The following KRTAP12-4 variants were observed in gnomAD, a reference collection of about 807,000 sequenced individuals.
KRTAP12-4 encodes the protein keratin associated protein 12-4.
For missense variants in KRTAP12-4, 148 were observed against 141.2 expected (o/e 1.05, Z -0.24); for synonymous variants, 58 against 58.7 (o/e 0.99, Z 0.05).
At position 44,654,356 on chromosome 21, in the gene KRTAP12-4, G is replaced by C; in HGVS notation, c.259C>G (p.Pro87Ala). The C allele has an allele frequency of 1.9e-6, 3 of 1,614,116 alleles. No homozygotes were observed. Among genetic ancestry groups the C allele is most frequent in the Non-Finnish European group, 2.5e-6 (3 of 1,179,980 alleles). ...KPVLCVASFC[P>A]TSGCCQPFCP... Reference sequence around the variant, plus strand: ...AAGGGCTGGCAGCACCCAGAGGTTGGGCAGAAGGAAGCCACACACAAAACA... The same window carrying C: ...AAGGGCTGGCAGCACCCAGAGGTTGCGCAGAAGGAAGCCACACACAAAACA... The change falls in exon 1 of 1, where the codon CCA becomes GCA. Residue 87 changes from proline to alanine, a missense_variant. Coordinates refer to ENST00000391618, the MANE Select transcript of KRTAP12-4 (RefSeq NM_198698.1).
In KRTAP12-4 at chr21:44,654,567, G is replaced by A; in HGVS notation, c.48C>T (p.Gly16=). 6.2e-7 allele frequency: 1 copy of A among 1,604,982 alleles called. No individual in the cohort carries two copies. The highest frequency in any genetic ancestry group is 8.5e-7 in the Non-Finnish European group (1 of 1,174,958). ...HSSGCPMACP[G]SPCCVPSTCY... ...AGGTGCTGGGGACACAGCACGGGGA[G>A]CCAGGGCAGGCCATTGGGCAGCCCG... Residue 16 remains glycine, a synonymous_variant, in exon 1 of 1, where the codon GGC becomes GGT. Transcript: ENST00000391618.
Position 44,654,544 on chromosome 21 carries a change from G to T in KRTAP12-4, c.71C>A (p.Thr24Asn). 6.2e-7 allele frequency: 1 copy of T among 1,611,790 alleles called. No individual in the cohort carries two copies. Among genetic ancestry groups the T allele is most frequent in the Non-Finnish European group, 8.5e-7 (1 of 1,178,836 alleles). The change falls in exon 1 of 1, where the codon ACC (threonine) becomes AAC (asparagine). Residue 24 changes from threonine (T) to asparagine (N), a missense_variant. Coordinates refer to ENST00000391618, the MANE Select transcript of KRTAP12-4 (RefSeq NM_198698.1). Reference sequence around the variant, plus strand: ...CCCATAGCCCTCGGGTGGGTAGCAGGTGCTGGGGACACAGCACGGGGAGCC... The same window carrying T: ...CCCATAGCCCTCGGGTGGGTAGCAGTTGCTGGGGACACAGCACGGGGAGCC... ...CPGSPCCVPS[T>N]CYPPEGYGTS...
Position 44,654,438 on chromosome 21 carries a change from G to C in KRTAP12-4, c.177C>G (p.Ala59=). Residue 59 remains alanine, a synonymous_variant, in exon 1 of 1, where the codon GCC becomes GCG. Coordinates refer to ENST00000391618, the MANE Select transcript of KRTAP12-4 (RefSeq NM_198698.1). ...LCGVSTCCQP[A]CCVPSPCQVA... ...CCTGGCAGGGGCTGGGCACACAGCA[G>C]GCTGGCTGGCAGCAGGTGGATACCC... 1 of 1,614,118 alleles carries C rather than the reference G, an allele frequency of 6.2e-7. No homozygotes were observed. Among genetic ancestry groups the C allele is most frequent in the Non-Finnish European group, 8.5e-7 (1 of 1,179,974 alleles).
In KRTAP12-4 at chr21:44,654,453, G is replaced by A. The variant is rs782520503; in HGVS notation, c.162C>T (p.Thr54=). Residue 54 remains threonine, a synonymous_variant, in exon 1 of 1, where the codon ACC becomes ACT. Transcript: ENST00000391618. ...LLCRPLCGVS[T]CCQPACCVPS... ...GCACACAGCAGGCTGGCTGGCAGCA[G>A]GTGGATACCCCACACAGGGGCCGGC... 1.3e-5 allele frequency: 21 copies of A among 1,613,922 alleles called. No individual in the cohort carries two copies. The Admixed American group carries it at 3.5e-4, about 27-fold the overall frequency.
In KRTAP12-4 at chr21:44,654,657, T is replaced by C. The variant is rs1985029135; in HGVS notation, c.-43A>G. 19 of 1,351,718 alleles carry C rather than the reference T, an allele frequency of 1.4e-5. No individual in the cohort carries two copies. The highest frequency in any genetic ancestry group is 1.9e-5 in the Non-Finnish European group (19 of 999,608). 83.7% of individuals were successfully genotyped at this position (1,351,718 alleles called of 1,614,324 possible). A position where few individuals can be genotyped will look rare whatever the true frequency, so the allele number is the denominator to read the frequency against. ...TGGGGGGCGCAGAGGACAGGGCTGG[T>C]CTGGAGCCTGCTTCCTTAGGTGGCC... On this transcript the variant is annotated 5_prime_UTR_variant, in exon 1 of 1. Coordinates refer to ENST00000391618, the MANE Select transcript of KRTAP12-4 (RefSeq NM_198698.1).
Position 44,654,450 on chromosome 21 carries a change from G to A in KRTAP12-4, c.165C>T (p.Cys55=), listed in dbSNP as rs1555942125. Residue 55 remains cysteine (C), a synonymous_variant, in exon 1 of 1, where the codon TGC becomes TGT. Transcript: ENST00000391618. ...TGGGCACACAGCAGGCTGGCTGGCAGCAGGTGGATACCCCACACAGGGGCC... is the reference window on the plus strand; with the variant it reads ...TGGGCACACAGCAGGCTGGCTGGCAACAGGTGGATACCCCACACAGGGGCC... ...LCRPLCGVST[C]CQPACCVPSP... 3 of 1,614,074 alleles carry A rather than the reference G, an allele frequency of 1.9e-6. No individual in the cohort carries two copies.
chr21:44,654,435 G>A lies in KRTAP12-4; in HGVS notation c.180C>T (p.Cys60=). 1 of 1,614,148 alleles carries A rather than the reference G, an allele frequency of 6.2e-7. No individual in the cohort carries two copies. The highest frequency in any genetic ancestry group is 8.5e-7 in the Non-Finnish European group (1 of 1,180,008). ...CCACCTGGCAGGGGCTGGGCACACA[G>A]CAGGCTGGCTGGCAGCAGGTGGATA... ...CGVSTCCQPA[C]CVPSPCQVAC... The change falls in exon 1 of 1, where the codon TGC becomes TGT. Residue 60 remains cysteine (C), a synonymous_variant. Transcript: ENST00000391618.
chr21:44,654,610 C>T lies in KRTAP12-4; in HGVS notation c.5G>A (p.Cys2Tyr), dbSNP rs782482099. 4 of 1,556,346 alleles carry T rather than the reference C, an allele frequency of 2.6e-6. No individual in the cohort carries two copies. The highest frequency in any genetic ancestry group is 3.5e-6 in the Non-Finnish European group (4 of 1,149,308). Residue 2 changes from cysteine to tyrosine, a missense_variant, in exon 1 of 1, where the codon TGC becomes TAC. Physicochemically the swap from Cys to Tyr is radical, Grantham distance 194. Transcript: ENST00000391618. M[C>Y]HTSHSSGCPM... Reference sequence around the variant, plus strand: ...GCAGCCCGAAGAGTGGCTGGTGTGGCACATGATGGAGTGTGGACAGGTGGG... The same window carrying T: ...GCAGCCCGAAGAGTGGCTGGTGTGGTACATGATGGAGTGTGGACAGGTGGG...
chr21:44,654,325 G>A lies in KRTAP12-4; in HGVS notation c.290C>T (p.Pro97Leu), dbSNP rs1555942064. ...PTSGCCQPFC[P>L]TLVYRPVTWS... The stretch of plus-strand genomic sequence containing the variant: ...GGTGACAGGTCTATAGACCAGGGTG[G>A]GGCAGAAGGGCTGGCAGCACCCAGA... The change falls in exon 1 of 1, where the codon CCC becomes CTC. Residue 97 changes from proline to leucine, a missense_variant. Coordinates refer to ENST00000391618, the MANE Select transcript of KRTAP12-4 (RefSeq NM_198698.1). 6 of 1,614,096 alleles carry A rather than the reference G, an allele frequency of 3.7e-6. No homozygotes were observed. The Admixed American group carries it at 8.3e-5, about 22-fold the overall frequency.
rs782816169 is a variant in KRTAP12-4 at position 44,654,443 on chromosome 21, G to A, written c.172C>T (p.Pro58Ser). 3.2e-5 allele frequency: 52 copies of A among 1,613,966 alleles called. No homozygotes were observed. Among genetic ancestry groups the A allele is most frequent in the Non-Finnish European group, 4.2e-5 (49 of 1,179,972 alleles). Residue 58 changes from proline to serine, a missense_variant, in exon 1 of 1, where the codon CCA becomes TCA. Pro to Ser is a moderately conservative substitution (Grantham distance 74, BLOSUM62 -1). Transcript: ENST00000391618. ...CAGGGGCTGGGCACACAGCAGGCTG[G>A]CTGGCAGCAGGTGGATACCCCACAC... ...PLCGVSTCCQ[P>S]ACCVPSPCQV...
rs781970841 is a variant in KRTAP12-4 at position 44,654,375 on chromosome 21, C to T, written c.240G>A (p.Leu80=). 6.2e-7 allele frequency: 1 copy of T among 1,614,048 alleles called. No homozygotes were observed. The highest frequency in any genetic ancestry group is 8.5e-7 in the Non-Finnish European group (1 of 1,180,016). Reference sequence around the variant, plus strand: ...AGGTTGGGCAGAAGGAAGCCACACACAAAACAGGCTTGCAGCTCACAGGCA... The same window carrying T: ...AGGTTGGGCAGAAGGAAGCCACACATAAAACAGGCTTGCAGCTCACAGGCA... ...CCVPVSCKPV[L]CVASFCPTSG... is the part of the protein sequence containing the mutation. The change falls in exon 1 of 1, where the codon TTG becomes TTA. Residue 80 remains leucine, a synonymous_variant. Transcript: ENST00000391618.
chr21:44,654,458 A>T lies in KRTAP12-4; in HGVS notation c.157T>A (p.Ser53Thr), dbSNP rs782637147. The change falls in exon 1 of 1, where the codon TCC becomes ACC. Residue 53 changes from serine to threonine, a missense_variant. Physicochemically the swap from Ser to Thr is moderately conservative, Grantham distance 58. Coordinates refer to ENST00000391618, the MANE Select transcript of KRTAP12-4 (RefSeq NM_198698.1). Reference sequence around the variant, plus strand: ...CAGCAGGCTGGCTGGCAGCAGGTGGATACCCCACACAGGGGCCGGCACAGC... The same window carrying T: ...CAGCAGGCTGGCTGGCAGCAGGTGGTTACCCCACACAGGGGCCGGCACAGC... Reference protein sequence around the residue: ...ALLCRPLCGVSTCCQPACCVP... With the variant: ...ALLCRPLCGVTTCCQPACCVP... 1 of 1,614,000 alleles carries T rather than the reference A, an allele frequency of 6.2e-7. No individual in the cohort carries two copies. The highest frequency in any genetic ancestry group is 8.5e-7 in the Non-Finnish European group (1 of 1,179,936).
chr21:44,654,524 A>T lies in KRTAP12-4; in HGVS notation c.91T>A (p.Tyr31Asn). The stretch of plus-strand genomic sequence containing the variant: ...GCTGAGCAGCAGCAGGAGGTCCCAT[A>T]GCCCTCGGGTGGGTAGCAGGTGCTG... ...VPSTCYPPEG[Y>N]GTSCCCSAPC... Residue 31 changes from tyrosine (Y) to asparagine (N), a missense_variant, in exon 1 of 1, where the codon TAT becomes AAT. By Grantham distance (143) the Tyr-to-Asn change is moderately radical (BLOSUM62 -2). Coordinates refer to ENST00000391618, the MANE Select transcript of KRTAP12-4 (RefSeq NM_198698.1). 1 of 1,612,994 alleles carries T rather than the reference A, an allele frequency of 6.2e-7. No individual in the cohort carries two copies. Among genetic ancestry groups the T allele is most frequent in the Non-Finnish European group, 8.5e-7 (1 of 1,179,456 alleles).
In KRTAP12-4 at chr21:44,654,633, G is replaced by C. The variant is rs879994134; in HGVS notation, c.-19C>G. 1 of 1,499,894 alleles carries C rather than the reference G, an allele frequency of 6.7e-7. No individual in the cohort carries two copies. Among genetic ancestry groups the C allele is most frequent in the Non-Finnish European group, 9.0e-7 (1 of 1,110,856 alleles). 92.9% of individuals were successfully genotyped at this position (1,499,894 alleles called of 1,614,324 possible). ...GGCACATGATGGAGTGTGGACAGGT[G>C]GGGGGCGCAGAGGACAGGGCTGGTC... On this transcript the variant is annotated 5_prime_UTR_variant, in exon 1 of 1. Transcript: ENST00000391618.
At position 44,654,285 on chromosome 21, in the gene KRTAP12-4, A is replaced by G. The variant is rs9984726; in HGVS notation, c.330T>C (p.Thr110=). ...ATAGGAGGCCACCTGCTCAGCAGCC[A>G]GTGGGGGTGCTCCAGGTGACAGGTC... ...VYRPVTWSTP[T]GC Residue 110 remains threonine (T), a synonymous_variant, in exon 1 of 1, where the codon ACT becomes ACC. Transcript: ENST00000391618. 1,168,006 of 1,612,970 alleles carry G rather than the reference A, an allele frequency of 0.72. 425,350 individuals carry two copies. Among genetic ancestry groups the G allele is most frequent in the African/African-American group, 0.89 (66,843 of 74,990 alleles).
rs1984999787 is a variant in KRTAP12-4, at chr21:44,654,405, G to A, written c.210C>T (p.Cys70=). The A allele has an allele frequency of 6.2e-7, 1 of 1,614,092 alleles. No homozygotes were observed. The highest frequency in any genetic ancestry group is 1.1e-5 in the South Asian group (1 of 91,096). ...CAGGCTTGCAGCTCACAGGCACACA[G>A]CAGGCCACCTGGCAGGGGCTGGGCA... ...CCVPSPCQVA[C]CVPVSCKPVL... The change falls in exon 1 of 1, where the codon TGC becomes TGT. Residue 70 remains cysteine, a synonymous_variant. Coordinates refer to ENST00000391618, the MANE Select transcript of KRTAP12-4 (RefSeq NM_198698.1).
rs1364258732 is a variant in KRTAP12-4 at position 44,654,318 on chromosome 21, C to G, written c.297G>C (p.Leu99=). ...TGCTCCAGGTGACAGGTCTATAGAC[C>G]AGGGTGGGGCAGAAGGGCTGGCAGC... ...SGCCQPFCPT[L]VYRPVTWSTP... The change falls in exon 1 of 1, where the codon CTG becomes CTC. Residue 99 remains leucine, a synonymous_variant. Coordinates refer to ENST00000391618, the MANE Select transcript of KRTAP12-4 (RefSeq NM_198698.1). 6.2e-7 allele frequency: 1 copy of G among 1,613,856 alleles called. No homozygotes were observed. Among genetic ancestry groups the G allele is most frequent in the South Asian group, 1.1e-5 (1 of 91,072 alleles).
At position 44,654,363 on chromosome 21, in the gene KRTAP12-4, G is replaced by A. The variant is rs1984997139; in HGVS notation, c.252C>T (p.Ser84=). 3 of 1,614,046 alleles carry A rather than the reference G, an allele frequency of 1.9e-6. No individual in the cohort carries two copies. The African/African-American group carries it at 4.0e-5, about 22-fold the overall frequency. The change falls in exon 1 of 1, where the codon TCC becomes TCT. Residue 84 remains serine, a synonymous_variant. Coordinates refer to ENST00000391618, the MANE Select transcript of KRTAP12-4 (RefSeq NM_198698.1). Reference sequence around the variant, plus strand: ...GGCAGCACCCAGAGGTTGGGCAGAAGGAAGCCACACACAAAACAGGCTTGC... The same window carrying A: ...GGCAGCACCCAGAGGTTGGGCAGAAAGAAGCCACACACAAAACAGGCTTGC... ...VSCKPVLCVA[S]FCPTSGCCQP... is the part of the protein sequence containing the mutation.
At chr21:44,654,445 T>TGGCA in the KRTAP12-4 span, 1 of 1,614,018 alleles carries the variant, frequency 6.2e-7, no homozygotes, top group Admixed American at 1.7e-5. Flanking sequence ...GCAGGCTGGC[T>TGGCA]GGCAGCAGGT....
Sources: allele counts gnomAD v4.1 joint callset, GRCh38; gene constraint gnomAD v4.1.1; transcripts MANE v1.5; gene names NCBI Gene and HGNC (gene_info 2026-07-23, HGNC 2026-07-21).